Variants in RAB18 observed in about 807,000 individuals in gnomAD.
The protein encoded by RAB18 is ras-related protein Rab-18.
RAB18 carries 10 observed loss-of-function variants against 28.5 expected under a neutral mutation model. The ratio of observed to expected loss-of-function variants is 0.35; its 90% confidence interval spans 0.22 to 0.60. RAB18 has a LOEUF of 0.60. Ranked by LOEUF, RAB18 falls within the 20% of genes least tolerant of loss-of-function variation. RAB18 has a pLI of 0.78. For synonymous variants in RAB18, 93 were observed against 86.9 expected, an observed-to-expected ratio of 1.07 and a Z score of -0.39; for missense variants, 188 against 244.2, an observed-to-expected ratio of 0.77 and a Z score of 1.53.
Position 27,504,432 on chromosome 10 carries a change from G to A in RAB18, c.63G>A (p.Lys21=), listed in dbSNP as rs1305070525. ...TCATCGGCGAGAGTGGGGTGGGCAAGTCCAGGTGAGGCGGAGGTGCGGGTC... is the reference window on the plus strand; with the variant it reads ...TCATCGGCGAGAGTGGGGTGGGCAAATCCAGGTGAGGCGGAGGTGCGGGTC... The part of the protein sequence containing the change: ...ILIIGESGVG[K]SSLLLRFTDD... Residue 21 remains lysine (K), a synonymous_variant, in exon 1 of 7, where the codon AAG becomes AAA. Transcript: ENST00000356940. 1.3e-6 allele frequency: 2 copies of A among 1,565,226 alleles called. No homozygotes were observed. Among genetic ancestry groups the A allele is most frequent in the African/African-American group, 1.3e-5 (1 of 74,400 alleles).
At chr10:27,521,745 G>A (rs1834557688) in intron 2 of RAB18, among the ~76,000 whole-genome samples, 2 of 152,118 alleles carry the variant, frequency 1.3e-5, no homozygotes, top group Admixed American at 1.3e-4. Flanking sequence ...ATTGGGTACA[G>A]TGCACACTGC....
rs1233501601 is a variant in RAB18, at chr10:27,541,178, T to C, written c.*3127T>C. 6.6e-6 allele frequency: 3 copies of C among 454,046 alleles called. No homozygotes were observed. The highest frequency in any genetic ancestry group is 1.3e-5 in the Non-Finnish European group (3 of 226,776). The allele number at this position is 454,046 out of a possible 1,614,324, so 28.1% of individuals were successfully genotyped here. On this transcript the variant is annotated 3_prime_UTR_variant, in exon 7 of 7. Transcript: ENST00000356940. ...GTTAAGTATAGGGGTAAAAACGTTA[T>C]TCAGCTTTCAGAAGACATTGTTCTG...
In RAB18 at chr10:27,504,365, T is replaced by C. The variant is rs1449440405; in HGVS notation, c.-5T>C. ...CAGCTGGGCTCGGAGCGGAACGGGG[T>C]CAGGATGGACGAGGACGTGCTAACC... On this transcript the variant is annotated 5_prime_UTR_variant, in exon 1 of 7. Coordinates refer to ENST00000356940, the MANE Select transcript of RAB18 (RefSeq NM_021252.5). The C allele has an allele frequency of 8.9e-6, 14 of 1,572,400 alleles. No individual in the cohort carries two copies. Among genetic ancestry groups the C allele is most frequent in the Non-Finnish European group, 1.2e-5 (14 of 1,159,660 alleles).
At chr10:27,515,233 A>G (rs1321922406) in intron 2 of RAB18, among the ~76,000 whole-genome samples, 1 of 152,156 alleles carries the variant, frequency 6.6e-6, no homozygotes, top group Non-Finnish European at 1.5e-5. Flanking sequence ...TAAGCATGGA[A>G]ATTAGATCCT....
chr10:27,538,539 T>A lies in RAB18; in HGVS notation c.*488T>A, dbSNP rs1288057796. ...GCTTTTCTGGGATGTTTGAGATTCT[T>A]TTTTAGTACTAAGCAAAATTCTCAT... On this transcript the variant is annotated 3_prime_UTR_variant, in exon 7 of 7. Coordinates refer to ENST00000356940, the MANE Select transcript of RAB18 (RefSeq NM_021252.5). The A allele has an allele frequency of 2.2e-6, 1 of 454,558 alleles. No individual in the cohort carries two copies. Among genetic ancestry groups the A allele is most frequent in the Non-Finnish European group, 4.4e-6 (1 of 226,796 alleles). 28.2% of individuals were successfully genotyped at this position (454,558 alleles called of 1,614,324 possible).
At chr10:27,531,174 G>T (rs1834779473) in intron 3 of RAB18, among the ~76,000 whole-genome samples, 2 of 152,002 alleles carry the variant, frequency 1.3e-5, no homozygotes, top group African/African-American at 4.8e-5. Context: ...ATGGCAGGGT[G>T]GGGATTAGTT....
chr10:27,526,126 CTT>C (rs1834666571), intron 2 of RAB18, among the ~76,000 whole-genome samples: 1 of 152,080 alleles, frequency 6.6e-6, no homozygotes, highest in South Asian at 2.1e-4. Context: ...TTATGAAACT[CTT>C]TTCTTTACAT....
In RAB18 at chr10:27,509,919, C is replaced by A. The variant is rs1022242187; in HGVS notation, c.113C>A (p.Ala38Glu). Residue 38 changes from alanine to glutamate, a missense_variant, in exon 2 of 7, where the codon GCA becomes GAA. Ala to Glu is a moderately radical substitution (Grantham distance 107). Coordinates refer to ENST00000356940, the MANE Select transcript of RAB18 (RefSeq NM_021252.5). The stretch of plus-strand genomic sequence containing the variant: ...GATGATACGTTTGATCCAGAACTTG[C>A]AGCAACAATAGGTAAGCCTGTGTTT... ...FTDDTFDPEL[A>E]ATIGVDFKVK... 6 of 1,611,502 alleles carry A rather than the reference C, an allele frequency of 3.7e-6. No individual in the cohort carries two copies. The highest frequency in any genetic ancestry group is 1.7e-5 in the Admixed American group (1 of 60,016).
At chr10:27,520,174 G>T (rs11596273) in intron 2 of RAB18, among the ~76,000 whole-genome samples, 18,885 of 151,976 alleles carry the variant, frequency 0.12, 1,248 homozygotes, top group Middle Eastern at 0.2. Context: ...ACTAGTTATG[G>T]GTCTATTCAA....
At position 27,540,574 on chromosome 10, in the gene RAB18, G is replaced by A. The variant is rs1335877079; in HGVS notation, c.*2523G>A. ...ACCTCATAAGTCATGTGACATAAAA[G>A]TTAAGGTAGTGGAGTAGGTGGTCTT... On this transcript the variant is annotated 3_prime_UTR_variant, in exon 7 of 7. Coordinates refer to ENST00000356940, the MANE Select transcript of RAB18 (RefSeq NM_021252.5). 2.2e-6 allele frequency: 1 copy of A among 453,938 alleles called. No homozygotes were observed. Among genetic ancestry groups the A allele is most frequent in the Non-Finnish European group, 4.4e-6 (1 of 226,740 alleles). The allele number at this position is 453,938 out of a possible 1,614,324, so 28.1% of individuals were successfully genotyped here. A position where few individuals can be genotyped will look rare whatever the true frequency, so the allele number is the denominator to read the frequency against.
intron 1 of RAB18, 129 bp downstream of exon 1, chr10:27,504,566 C>A: frequency 9.2e-7 from 1 of 1,090,862 alleles, no homozygotes; most frequent in Non-Finnish European, 1.4e-6. Context: ...CTCGCGCCCT[C>A]CTCGGCCTCT....
At chr10:27,506,590 A>G (rs866978301) in intron 1 of RAB18, among the ~76,000 whole-genome samples, 1 of 152,106 alleles carries the variant, frequency 6.6e-6, no homozygotes, top group Non-Finnish European at 1.5e-5. Flanking sequence ...CCAAAGTGCT[A>G]GGAACATAAG....
rs553544101 is a variant in RAB18 at position 27,518,992 on chromosome 10, G to A, written c.125-7836G>A. ...CTTTTGCATATGGATATCCAGTTGT[G>A]CTAACACTTAGTTGAAAAGACTGTC... On this transcript the variant is annotated intron_variant, in intron 2 of 6. Coordinates refer to ENST00000356940, the MANE Select transcript of RAB18 (RefSeq NM_021252.5). Among the ~76,000 whole-genome samples, 8 of 151,896 alleles carry A rather than the reference G, an allele frequency of 5.3e-5. No individual in the cohort carries two copies. In the South Asian group the frequency reaches 1.0e-3, roughly 20 times the overall value.
At chr10:27,508,210 T>G (rs1242652875) in intron 1 of RAB18, among the ~76,000 whole-genome samples, 1 of 152,192 alleles carries the variant, frequency 6.6e-6, no homozygotes, top group African/African-American at 2.4e-5. Context: ...TAAGATCTGA[T>G]GTATACCCAG....
At chr10:27,513,688 A>T (rs528762526) in intron 2 of RAB18, among the ~76,000 whole-genome samples, 1 of 152,320 alleles carries the variant, frequency 6.6e-6, no homozygotes, top group South Asian at 2.1e-4. Flanking sequence ...TGCCAGGAGC[A>T]GTGGCCATCA....
chr10:27,529,243 A>G (rs1273094460), intron 3 of RAB18, among the ~76,000 whole-genome samples: 2 of 151,858 alleles, frequency 1.3e-5, no homozygotes, highest in Non-Finnish European at 2.9e-5. Context: ...TGGGGAGGTG[A>G]AGAGGAGGTA....
chr10:27,539,788 C>G lies in RAB18; in HGVS notation c.*1737C>G, dbSNP rs989871859. ...TTTGTTTGATAGATTTATATTGTAA[C>G]CTTTTTCTAGTTCTTGAATAAATAT... On this transcript the variant is annotated 3_prime_UTR_variant, in exon 7 of 7. Coordinates refer to ENST00000356940, the MANE Select transcript of RAB18 (RefSeq NM_021252.5). The G allele has an allele frequency of 2.2e-6, 1 of 452,448 alleles. No homozygotes were observed. Among genetic ancestry groups the G allele is most frequent in the East Asian group, 7.0e-5 (1 of 14,382 alleles). The allele number at this position is 452,448 out of a possible 1,614,324, so 28.0% of individuals were successfully genotyped here. A position where few individuals can be genotyped will look rare whatever the true frequency, so the allele number is the denominator to read the frequency against.
chr10:27,526,292 A>G (rs1395828282), intron 2 of RAB18, among the ~76,000 whole-genome samples: 1 of 152,224 alleles, frequency 6.6e-6, no homozygotes. Context: ...TTACATAAAA[A>G]TAGTATTTTT....
chr10:27,524,334 A>G (rs1313970347), intron 2 of RAB18, among the ~76,000 whole-genome samples: 1 of 152,172 alleles, frequency 6.6e-6, no homozygotes, highest in African/African-American at 2.4e-5. Flanking sequence ...GTTCTGAGTC[A>G]GTTTCTATTG....
Sources: gnomAD v4.1 joint callset for allele counts (sites outside exome capture counted in the v4.1 genomes callset) on GRCh38, gnomAD v4.1.1 for gene constraint, MANE v1.5 for transcripts, NCBI Gene and HGNC (gene_info 2026-07-23, HGNC 2026-07-21) for gene names.